Variants in CUX1 observed in about 807,000 individuals in gnomAD.
CUX1 encodes the protein cut like homeobox 1.
In CUX1, 31 loss-of-function variants were observed where a neutral mutation model predicts 158.8. That is an observed-to-expected ratio of 0.20 (90% CI 0.15 to 0.26). The LOEUF (loss-of-function observed/expected upper bound fraction) is 0.26. Among genes scored for constraint, CUX1 ranks in the 10% least tolerant of loss-of-function variants. The pLI is 1.00. For missense variants in CUX1, 1,589 were observed against 2,014.6 expected, an observed-to-expected ratio of 0.79 and a Z score of 4.04; for synonymous variants, 879 against 862.1, an observed-to-expected ratio of 1.02 and a Z score of -0.34.
chr7:101,874,821 A>G (rs1275134626), intron 1 of CUX1, among the ~76,000 whole-genome samples: 1 of 152,222 alleles, frequency 6.6e-6, no homozygotes, highest in Admixed American at 6.5e-5. Flanking sequence ...ACCATTGAAG[A>G]CAATTGCACC....
intron 8 of CUX1, among the ~76,000 whole-genome samples, chr7:102,139,480 C>T: frequency 6.6e-6 from 1 of 152,134 alleles, no homozygotes; most frequent in Admixed American, 6.6e-5. Flanking sequence ...CCACCTGAAA[C>T]AGCTTTTGGC....
chr7:101,963,238 C>G lies in CUX1; in HGVS notation c.141+47013C>G, dbSNP rs183616201. 5.3e-5 allele frequency among the ~76,000 whole-genome samples: 8 copies of G among 152,270 alleles called. No homozygotes were observed. In the East Asian group the frequency reaches 1.4e-3, roughly 26 times the overall value. On this transcript the variant is annotated intron_variant, in intron 2 of 23. Coordinates refer to ENST00000292535, the MANE Select transcript of CUX1 (RefSeq NM_181552.4). ...TCAGTGCCAGAAAATGTGCTGTCCT[C>G]CCTGTATTTGGCTCGCCTGTCCTCC... is the stretch of plus-strand genomic sequence containing the variant.
chr7:102,202,105 G>A lies in CUX1; in HGVS notation c.2808G>A (p.Glu936=). Residue 936 remains glutamate, a synonymous_variant, in exon 18 of 24, where the codon GAG becomes GAA. Transcript: ENST00000292535. ...SVPPLTPEQY[E]VYMYQEVDTI... is the part of the protein sequence containing the mutation. ...CCCCGCTGACCCCCGAGCAGTACGAGGTCTACATGTACCAGGAGGTGGACA... is the reference window on the plus strand; with the variant it reads ...CCCCGCTGACCCCCGAGCAGTACGAAGTCTACATGTACCAGGAGGTGGACA... 6.2e-7 allele frequency: 1 copy of A among 1,614,154 alleles called. No individual in the cohort carries two copies. Among genetic ancestry groups the A allele is most frequent in the Admixed American group, 1.7e-5 (1 of 60,012 alleles).
chr7:102,157,944 C>A (rs1233991426), intron 8 of CUX1, among the ~76,000 whole-genome samples: 1 of 152,154 alleles, frequency 6.6e-6, no homozygotes, highest in African/African-American at 2.4e-5. Flanking sequence ...TGGGCCATAG[C>A]AATGAACCCA....
At chr7:102,156,052 C>T (rs567605058) in intron 8 of CUX1, among the ~76,000 whole-genome samples, 1 of 152,274 alleles carries the variant, frequency 6.6e-6, no homozygotes, top group South Asian at 2.1e-4. Flanking sequence ...ACATTGAACC[C>T]GATCACAAGG....
chr7:102,132,306 T>TGTGC (rs1243715344), intron 8 of CUX1, among the ~76,000 whole-genome samples: 1 of 3,716 alleles, frequency 2.7e-4, no homozygotes, highest in African/African-American at 1.2e-3. Flanking sequence ...TGTGTGTGTG[T>TGTGC]GTGCGCGCGC....
At chr7:102,105,321 A>C (rs922020242) in intron 6 of CUX1, among the ~76,000 whole-genome samples, 1 of 151,982 alleles carries the variant, frequency 6.6e-6, no homozygotes, top group African/African-American at 2.4e-5. Context: ...AGTTAGTATC[A>C]GTAAAATATG....
rs1801591462 is a variant in CUX1, at chr7:102,252,234, G to A, written c.*3192G>A. On this transcript the variant is annotated 3_prime_UTR_variant, in exon 24 of 24. Transcript: ENST00000292535. ...ATAATACAGCAATCCGTGGCCAGGG[G>A]AGCACCCCCTCCTGGTTGGGCCCCT... 1.0e-6 allele frequency: 1 copy of A among 985,334 alleles called. No individual in the cohort carries two copies. Among genetic ancestry groups the A allele is most frequent in the Non-Finnish European group, 1.2e-6 (1 of 829,970 alleles). 61.0% of individuals were successfully genotyped at this position (985,334 alleles called of 1,614,324 possible).
chr7:102,189,377 CTT>C (rs782037789), intron 11 of CUX1, among the ~76,000 whole-genome samples: 2 of 96,822 alleles, frequency 2.1e-5, no homozygotes, highest in Admixed American at 1.1e-4. Flanking sequence ...GGGGGGGATG[CTT>C]TTTTTTTTTT....
At chr7:101,850,704 G>T (rs1053092657) in intron 1 of CUX1, among the ~76,000 whole-genome samples, 2 of 152,074 alleles carry the variant, frequency 1.3e-5, no homozygotes, top group Non-Finnish European at 2.9e-5. Context: ...TAAGTAGCAG[G>T]CTTATACCAC....
chr7:102,182,530 G>A (rs1793206078), intron 11 of CUX1, among the ~76,000 whole-genome samples: 1 of 152,098 alleles, frequency 6.6e-6, no homozygotes, highest in South Asian at 2.1e-4. Context: ...TTCAAGCAAA[G>A]CTCCCCATAA....
At chr7:101,971,015 C>T (rs1811881531) in intron 2 of CUX1, among the ~76,000 whole-genome samples, 1 of 152,208 alleles carries the variant, frequency 6.6e-6, no homozygotes, top group Non-Finnish European at 1.5e-5. Flanking sequence ...CTGCTTTGAA[C>T]AAGGCACTGA....
intron 1 of CUX1, among the ~76,000 whole-genome samples, chr7:101,862,372 G>A (rs1288645939): frequency 1.3e-5 from 2 of 152,004 alleles, no homozygotes; most frequent in South Asian, 2.1e-4. Flanking sequence ...TGTCGTAGGC[G>A]GGACTTGCAC....
intron 1 of CUX1, among the ~76,000 whole-genome samples, chr7:101,911,814 C>G (rs763768637): frequency 2.0e-5 from 3 of 152,214 alleles, no homozygotes; most frequent in African/African-American, 7.2e-5. Context: ...TAAGGTGGAC[C>G]GGGCCACACG....
intron 4 of CUX1, among the ~76,000 whole-genome samples, chr7:102,080,553 G>T (rs1827266440): frequency 6.6e-6 from 1 of 152,166 alleles, no homozygotes; most frequent in Non-Finnish European, 1.5e-5. Context: ...AGCCCCCATC[G>T]CCCGCAGAGC....
chr7:101,999,090 A>T (rs1310871711), intron 2 of CUX1, among the ~76,000 whole-genome samples: 2 of 151,996 alleles, frequency 1.3e-5, no homozygotes, highest in Non-Finnish European at 2.9e-5. Flanking sequence ...AGGCAGTCTC[A>T]TCACTGCAGC....
chr7:101,904,976 G>A (rs896918054), intron 1 of CUX1, among the ~76,000 whole-genome samples: 3 of 152,202 alleles, frequency 2.0e-5, no homozygotes, highest in South Asian at 2.1e-4. Flanking sequence ...TGCACTGGGC[G>A]TTTTATGTGA....
At chr7:101,872,017 C>G (rs1317754786) in intron 1 of CUX1, among the ~76,000 whole-genome samples, 1 of 130,488 alleles carries the variant, frequency 7.7e-6, no homozygotes, top group Non-Finnish European at 1.7e-5. Flanking sequence ...GACTCCATCC[C>G]CCCAAAAAAA....
rs1439508149 is a variant in CUX1 at position 102,253,153 on chromosome 7, C to T, written c.*4111C>T. On this transcript the variant is annotated 3_prime_UTR_variant, in exon 24 of 24. Transcript: ENST00000292535. ...TCTTTGTTTTCTTCCCATTGAAAAA[C>T]CATCCTGTCTGATGTGGACGTTCAG... 2 of 985,454 alleles carry T rather than the reference C, an allele frequency of 2.0e-6. No homozygotes were observed. Among genetic ancestry groups the T allele is most frequent in the East Asian group, 1.1e-4 (1 of 8,834 alleles). The allele number at this position is 985,454 out of a possible 1,614,324, so 61.0% of individuals were successfully genotyped here. A position where few individuals can be genotyped will look rare whatever the true frequency, so the allele number is the denominator to read the frequency against.
Sources: allele counts gnomAD v4.1 joint callset (sites outside exome capture counted in the v4.1 genomes callset), GRCh38; gene constraint gnomAD v4.1.1; transcripts MANE v1.5; gene names NCBI Gene and HGNC (gene_info 2026-07-23, HGNC 2026-07-21).